CUBN: variants seen among roughly 807,000 people sequenced by gnomAD.
The protein encoded by CUBN is cubilin.
In CUBN, 282 loss-of-function variants were observed where a neutral mutation model predicts 405.3. The ratio of observed to expected loss-of-function variants is 0.70; its 90% CI spans 0.63 to 0.77. The LOEUF is 0.77. Ranked by LOEUF, CUBN falls within the 30% of genes least tolerant of loss-of-function variation. The pLI, the probability that CUBN is intolerant of heterozygous loss-of-function variation, is 0.00. For missense variants in CUBN, 4,514 were observed against 4,475.2 expected (o/e 1.01, Z -0.25); for synonymous variants, 1,684 against 1,617.0 (o/e 1.04, Z -0.99).
intron 29 of CUBN, among the ~76,000 whole-genome samples, chr10:16,989,085 T>G (rs951116532): frequency 6.6e-6 from 1 of 152,162 alleles, no homozygotes; most frequent in Admixed American, 6.5e-5. Flanking sequence ...GCTGGGAATA[T>G]AGCAGTAAAA....
At chr10:16,974,444 G>C (rs1017080988) in intron 31 of CUBN, among the ~76,000 whole-genome samples, 21 of 150,182 alleles carry the variant, frequency 1.4e-4, no homozygotes, top group Non-Finnish European at 2.7e-4. Context: ...TTTTTTTTGA[G>C]AGGGAGTCTC....
chr10:17,012,417 T>C (rs1445055816), intron 28 of CUBN, among the ~76,000 whole-genome samples: 1 of 152,214 alleles, frequency 6.6e-6, no homozygotes, highest in Non-Finnish European at 1.5e-5. Flanking sequence ...AGGTGCAAAG[T>C]CCTCCTTTCT....
intron 17 of CUBN, among the ~76,000 whole-genome samples, chr10:17,078,115 T>C (rs1835890265): frequency 1.3e-5 from 2 of 152,046 alleles, no homozygotes; most frequent in East Asian, 1.9e-4. Context: ...ATGTTAACTT[T>C]AGTGAGCATT....
chr10:17,107,647 G>C (rs1397347032), intron 10 of CUBN, among the ~76,000 whole-genome samples: 1 of 151,868 alleles, frequency 6.6e-6, no homozygotes, highest in Non-Finnish European at 1.5e-5. Context: ...ACAGGTGCCC[G>C]CCACCACGCC....
intron 28 of CUBN, among the ~76,000 whole-genome samples, chr10:17,006,120 A>G (rs930793985): frequency 2.6e-5 from 4 of 152,198 alleles, no homozygotes; most frequent in African/African-American, 7.2e-5. Context: ...CTGCTGCTTA[A>G]GCCTCCCAAT....
intron 28 of CUBN, among the ~76,000 whole-genome samples, chr10:16,991,013 T>C (rs1003515787): frequency 1.3e-5 from 2 of 152,064 alleles, no homozygotes; most frequent in African/African-American, 4.8e-5. Flanking sequence ...TACCAAAGAC[T>C]GTAAGAAATA....
At chr10:16,889,994 C>T (rs913041227) in intron 55 of CUBN, among the ~76,000 whole-genome samples, 4 of 148,126 alleles carry the variant, frequency 2.7e-5, no homozygotes, top group South Asian at 2.1e-4. Context: ...TTCAGTTGGG[C>T]CTGGAGTGAG....
At chr10:16,828,510 G>T (rs1052288308) in intron 66 of CUBN, among the ~76,000 whole-genome samples, 1 of 152,182 alleles carries the variant, frequency 6.6e-6, no homozygotes, top group African/African-American at 2.4e-5. Flanking sequence ...CTGAGGTCAG[G>T]AGTTCGAGAC....
intron 17 of CUBN, among the ~76,000 whole-genome samples, chr10:17,077,314 C>T (rs761665485): frequency 2.6e-5 from 4 of 151,632 alleles, no homozygotes; most frequent in African/African-American, 7.3e-5. Flanking sequence ...TAAAAAAAAA[C>T]GAGTTTTTGT....
intron 36 of CUBN, among the ~76,000 whole-genome samples, chr10:16,946,644 C>T (rs752748574): frequency 6.6e-5 from 10 of 151,744 alleles, no homozygotes; most frequent in Non-Finnish European, 1.2e-4. Flanking sequence ...TACAGGTGCC[C>T]GCCACCACTC....
At position 16,913,924 on chromosome 10, in the gene CUBN, G is replaced by T; in HGVS notation, c.7420C>A (p.His2474Asn). Residue 2474 changes from histidine to asparagine, a missense_variant, in exon 48 of 67, where the codon CAT becomes AAT. By Grantham distance (68) the His-to-Asn change is moderately conservative. This residue lies in a region of CUBN where 1,613 missense variants were observed against 1,542.8 expected (regional missense o/e 1.05). Coordinates refer to ENST00000377833, the MANE Select transcript of CUBN (RefSeq NM_001081.4). Reference sequence around the variant, plus strand: ...ATTCTCCACTCGCAGATCCGGCCATGAGGATTTGGGTTCGGGTAGTTGGGA... The same window carrying T: ...ATTCTCCACTCGCAGATCCGGCCATTAGGATTTGGGTTCGGGTAGTTGGGA... Reference protein sequence around the residue: ...TSPNYPNPNPHGRICEWRITA... With the variant: ...TSPNYPNPNPNGRICEWRITA... 6.2e-7 allele frequency: 1 copy of T among 1,614,142 alleles called. No individual in the cohort carries two copies. The highest frequency in any genetic ancestry group is 8.5e-7 in the Non-Finnish European group (1 of 1,180,028).
intron 5 of CUBN, 142 bp downstream of exon 5, chr10:17,123,446 C>A: frequency 1.4e-6 from 1 of 737,110 alleles, no homozygotes. Flanking sequence ...TGGGTTTTAG[C>A]ATACCTGGTA....
intron 17 of CUBN, among the ~76,000 whole-genome samples, chr10:17,074,158 T>C (rs1835801413): frequency 6.6e-6 from 1 of 152,182 alleles, no homozygotes; most frequent in Admixed American, 6.5e-5. Flanking sequence ...GACAATACCA[T>C]GAAACAGTCA....
At chr10:17,075,108 A>G in intron 17 of CUBN, among the ~76,000 whole-genome samples, 1 of 109,772 alleles carries the variant, frequency 9.1e-6, no homozygotes, top group Non-Finnish European at 1.7e-5. Flanking sequence ...TTTTGAGATG[A>G]AGTCTCACTC....
intron 36 of CUBN, among the ~76,000 whole-genome samples, chr10:16,941,092 C>G (rs1365160967): frequency 6.6e-6 from 1 of 152,134 alleles, no homozygotes; most frequent in Non-Finnish European, 1.5e-5. Context: ...TGAGTACTTT[C>G]AAAACTTGGC....
intron 30 of CUBN, 22 bp from the exon 31 acceptor site, chr10:16,982,675 A>AT (rs35133176): frequency 6.2e-7 from 1 of 1,603,364 alleles, no homozygotes; most frequent in Non-Finnish European, 8.5e-7. Context: ...GAACACAATT[A>AT]TTTCATGAGA....
chr10:17,091,651 T>G (rs1175886085), intron 14 of CUBN, among the ~76,000 whole-genome samples: 1 of 152,190 alleles, frequency 6.6e-6, no homozygotes, highest in Non-Finnish European at 1.5e-5. Context: ...AGGCTTTTAA[T>G]GGGAAGTTCA....
intron 66 of CUBN, among the ~76,000 whole-genome samples, chr10:16,827,687 C>T (rs574200599): frequency 1.3e-5 from 2 of 152,334 alleles, no homozygotes; most frequent in Admixed American, 6.5e-5. Flanking sequence ...CTGCAACCTC[C>T]GCCTCCCTGG....
At chr10:16,985,615 G>C (rs1349796302) in intron 29 of CUBN, among the ~76,000 whole-genome samples, 1 of 152,206 alleles carries the variant, frequency 6.6e-6, no homozygotes, top group Non-Finnish European at 1.5e-5. Context: ...TGAGGGCTTT[G>C]AGAGTCACAG....
Sources: allele counts gnomAD v4.1 joint callset (sites outside exome capture counted in the v4.1 genomes callset), GRCh38; gene constraint gnomAD v4.1.1; regional missense constraint gnomAD v4.1.1; transcripts MANE v1.5; gene names NCBI Gene and HGNC (gene_info 2026-07-23, HGNC 2026-07-21).